The following ARSF variants were observed in gnomAD, a reference collection of about 807,000 sequenced individuals.
The protein encoded by ARSF is arylsulfatase F.
A neutral mutation model predicts 35.4 loss-of-function variants in ARSF; 33 were observed. The ratio of observed to expected loss-of-function variants is 0.93; its 90% CI spans 0.71 to 1.25. The LOEUF is 1.25. ARSF is among the 50% of genes most tolerant of loss of function. The pLI, the probability that ARSF is intolerant of heterozygous loss-of-function variation, is 0.00. For synonymous variants in ARSF, 222 were observed against 193.1 expected (o/e 1.15, Z -1.24); for missense variants, 501 against 480.2 (o/e 1.04, Z -0.40).
In ARSF at chrX:3,055,371, T is replaced by C. The variant is rs778425167; in HGVS notation, c.-28-12702T>C. The stretch of plus-strand genomic sequence containing the variant: ...AAAAAAAAAAAAAAAAAAAATCTAA[T>C]ATTGTCCCCAATTCCTACTTTTGGG... On this transcript the variant is annotated intron_variant, in intron 1 of 10. Transcript: ENST00000381127. Among the ~76,000 whole-genome samples, 3 of 98,334 alleles carry C rather than the reference T, an allele frequency of 3.1e-5. No individual in the cohort carries two copies. The Admixed American group carries it at 3.3e-4, about 11-fold the overall frequency. 85.4% of individuals were successfully genotyped at this position (98,334 alleles called of 115,157 possible). A position where few individuals can be genotyped will look rare whatever the true frequency, so the allele number is the denominator to read the frequency against.
At chrX:3,075,746 T>C (rs184012888) in intron 3 of ARSF, among the ~76,000 whole-genome samples, 58 of 108,120 alleles carry the variant, frequency 5.4e-4, no homozygotes, top group African/African-American at 1.9e-3. Context: ...TCTCTGATTG[T>C]CTGTCTCTGT....
rs185339198 is a variant in ARSF at position 3,062,620 on chromosome X, A to T, written c.-28-5453A>T. ...GATGCAATAAAAAATGATAAAGGGG[A>T]TATCACCACCAATCCCACAGAAATA... On this transcript the variant is annotated intron_variant, in intron 1 of 10. Coordinates refer to ENST00000381127, the MANE Select transcript of ARSF (RefSeq NM_001201539.2). Among the ~76,000 whole-genome samples, 1,043 of 111,730 alleles carry T rather than the reference A, an allele frequency of 9.3e-3. 16 individuals are homozygous for T. Among genetic ancestry groups the T allele is most frequent in the African/African-American group, 0.032 (987 of 30,782 alleles).
At chrX:3,083,794 T>C (rs1412965370) in intron 5 of ARSF, among the ~76,000 whole-genome samples, 1 of 111,519 alleles carries the variant, frequency 9.0e-6, no homozygotes, top group African/African-American at 3.3e-5. Flanking sequence ...AACTATAACC[T>C]GCCTTGTCTC....
chrX:3,055,342 C>CAAAAAAAAAAAAA (rs770014108), intron 1 of ARSF, among the ~76,000 whole-genome samples: 571 of 32,396 alleles, frequency 0.018, 25 homozygotes, highest in African/African-American at 0.047. Context: ...AACTCCATTT[C>CAAAAAAAAAAAAA]AAAAAAAAAA....
chrX:3,087,299 T>C (rs146150029), intron 6 of ARSF, among the ~76,000 whole-genome samples: 111 of 112,080 alleles, frequency 9.9e-4, no homozygotes, highest in African/African-American at 3.4e-3. Context: ...AACTATTTAA[T>C]TTTAAATATT....
At chrX:3,060,120 C>T (rs1217725223) in intron 1 of ARSF, among the ~76,000 whole-genome samples, 3 of 112,169 alleles carry the variant, frequency 2.7e-5, no homozygotes, top group African/African-American at 9.7e-5. Context: ...ATTTGCTGTT[C>T]TGCAATATTT....
intron 5 of ARSF, among the ~76,000 whole-genome samples, chrX:3,083,482 CTA>C (rs1228996681): frequency 5.4e-5 from 3 of 55,923 alleles, no homozygotes. Flanking sequence ...CTCCTCTATC[CTA>C]TCTATCTATC....
At chrX:3,064,221 T>A (rs2090053963) in intron 1 of ARSF, among the ~76,000 whole-genome samples, 4 of 112,144 alleles carry the variant, frequency 3.6e-5, no homozygotes, top group Non-Finnish European at 5.6e-5. Context: ...CCCTATTTAA[T>A]AAATGGTGCT....
At chrX:3,065,806 T>C (rs1456624093) in intron 1 of ARSF, among the ~76,000 whole-genome samples, 3 of 111,387 alleles carry the variant, frequency 2.7e-5, no homozygotes, top group Non-Finnish European at 5.6e-5. Context: ...TAATGCAAGA[T>C]CTGGTTTCCA....
intron 4 of ARSF, among the ~76,000 whole-genome samples, chrX:3,077,899 G>A (rs1171137019): frequency 1.9e-5 from 2 of 103,878 alleles, no homozygotes. Flanking sequence ...TGCCTCCTGG[G>A]TTCAAGTGAT....
intron 6 of ARSF, among the ~76,000 whole-genome samples, chrX:3,087,906 T>C (rs535266332): frequency 3.1e-4 from 35 of 112,317 alleles, no homozygotes; most frequent in African/African-American, 1.1e-3. Context: ...TAAGGTCCCA[T>C]TCTGAGGTTT....
At chrX:3,042,372 TTAAA>T (rs1332966827) in intron 1 of ARSF, among the ~76,000 whole-genome samples, 5 of 112,310 alleles carry the variant, frequency 4.5e-5, no homozygotes, top group African/African-American at 1.6e-4. Flanking sequence ...GAATCTAAAG[TTAAA>T]TAATAGATAT....
rs138706918 is a variant in ARSF, at chrX:3,102,500, C to T, written c.1103-1262C>T. The stretch of plus-strand genomic sequence containing the variant: ...TGAGTAGAATTCCATGGTGTATGTA[C>T]ACCACGTTTTCTTTATCCACCTGTT... On this transcript the variant is annotated intron_variant, in intron 8 of 10. Transcript: ENST00000381127. 5.4e-3 allele frequency among the ~76,000 whole-genome samples: 611 copies of T among 112,523 alleles called. 5 individuals are homozygous for T. The highest frequency in any genetic ancestry group is 0.019 in the African/African-American group (585 of 31,044).
chrX:3,085,884 C>T (rs913198877), intron 6 of ARSF, among the ~76,000 whole-genome samples: 2 of 110,840 alleles, frequency 1.8e-5, no homozygotes, highest in African/African-American at 6.6e-5. Context: ...CATAGTGAAA[C>T]GCCATCTCTA....
chrX:3,068,080 G>A lies in ARSF; in HGVS notation c.-21G>A, dbSNP rs778574970. 8.4e-7 allele frequency: 1 copy of A among 1,184,477 alleles called. No homozygotes were observed. The highest frequency in any genetic ancestry group is 3.0e-5 in the East Asian group (1 of 33,267). ...CTGTGTCTTCTGCCAAAGACAACAA[G>A]AAGGTATTCCAAGCTGCACAATGAG... On this transcript the variant is annotated 5_prime_UTR_variant, in exon 2 of 11. Coordinates refer to ENST00000381127, the MANE Select transcript of ARSF (RefSeq NM_001201539.2).
At position 3,112,204 on chromosome X, in the gene ARSF, C is replaced by T. The variant is rs148397786; in HGVS notation, c.1421C>T (p.Thr474Ile). 10 of 1,206,392 alleles carry T rather than the reference C, an allele frequency of 8.3e-6. No individual in the cohort carries two copies. The highest frequency in any genetic ancestry group is 1.8e-5 in the African/African-American group (1 of 56,654). Residue 474 changes from threonine to isoleucine, a missense_variant, in exon 11 of 11, where the codon ACC (threonine) becomes ATC (isoleucine). Coordinates refer to ENST00000381127, the MANE Select transcript of ARSF (RefSeq NM_001201539.2). ...TCAGTTTGGAAGGCTCACTATGTGA[C>T]CCCGGTATTCCAGCCACCAGCTTCT... ...SGSVWKAHYV[T>I]PVFQPPASGG...
chrX:3,073,393 C>G (rs1020658662), intron 3 of ARSF, among the ~76,000 whole-genome samples: 2 of 101,953 alleles, frequency 2.0e-5, no homozygotes, highest in African/African-American at 3.5e-5. Context: ...GGTTCAGCGA[C>G]TTCTCCAAGA....
At chrX:3,041,244 C>T (rs1338909470), upstream of ARSF, among the ~76,000 whole-genome samples, 2 of 110,022 alleles carry the variant, frequency 1.8e-5, no homozygotes, top group Non-Finnish European at 3.8e-5. Flanking sequence ...ATTTTCTTTT[C>T]TGCCTACTTT....
intron 1 of ARSF, among the ~76,000 whole-genome samples, chrX:3,048,888 G>T (rs775707208): frequency 8.9e-6 from 1 of 112,180 alleles, no homozygotes; most frequent in African/African-American, 3.2e-5. Flanking sequence ...GTGGTTCAAG[G>T]GTCCCCTTCT....
Sources: gnomAD v4.1 joint callset for allele counts (sites outside exome capture counted in the v4.1 genomes callset) on GRCh38, gnomAD v4.1.1 for gene constraint, MANE v1.5 for transcripts, NCBI Gene and HGNC (gene_info 2026-07-23, HGNC 2026-07-21) for gene names.